The following FARP1 variants were observed in gnomAD, a reference collection of about 807,000 sequenced individuals.
FARP1 encodes the protein FERM, ARH/RhoGEF and pleckstrin domain protein 1.
A neutral mutation model predicts 128.8 loss-of-function variants in FARP1; 52 were observed. The ratio of observed to expected loss-of-function variants is 0.40; its 90% CI spans 0.32 to 0.51. FARP1 has a LOEUF of 0.51. FARP1 is among the 20% of genes least tolerant of loss of function. The pLI, the probability that FARP1 is intolerant of heterozygous loss-of-function variation, is 0.45. For synonymous variants in FARP1, 580 were observed against 551.8 expected, an observed-to-expected ratio of 1.05 and a Z score of -0.72; for missense variants, 1,333 against 1,367.9, an observed-to-expected ratio of 0.97 and a Z score of 0.40.
chr13:98,367,521 C>A (rs1889145389), intron 4 of FARP1, among the ~76,000 whole-genome samples: 2 of 149,756 alleles, frequency 1.3e-5, no homozygotes, highest in African/African-American at 4.9e-5. Context: ...AAAAGTTGTT[C>A]ATCTTATTCA....
At chr13:98,398,124 C>T (rs1461107307) in intron 13 of FARP1, 4 of 152,078 alleles carry the variant, frequency 2.6e-5, no homozygotes, top group African/African-American at 9.7e-5. Flanking sequence ...AGGATCGGCT[C>T]GTCTCATTGA....
At chr13:98,396,133 G>T in intron 13 of FARP1, 2 of 399,236 alleles carry the variant, frequency 5.0e-6, no homozygotes, top group Non-Finnish European at 8.8e-6. Flanking sequence ...GGATGGGCTT[G>T]GTGGCCGTGG....
chr13:98,404,460 C>T (rs868496910), intron 13 of FARP1: 3 of 152,176 alleles, frequency 2.0e-5, no homozygotes, highest in African/African-American at 7.2e-5. Context: ...CAGGAAGCTA[C>T]GTATTATTCA....
chr13:98,257,856 ACTATGT>A (rs1156710414), intron 2 of FARP1, among the ~76,000 whole-genome samples: 2 of 152,236 alleles, frequency 1.3e-5, no homozygotes, highest in African/African-American at 4.8e-5. Flanking sequence ...TCTATTTGCT[ACTATGT>A]TTTATGTTGA....
intron 3 of FARP1, 123 bp from the exon 4 acceptor site, chr13:98,365,272 G>A (rs1889036876): frequency 3.0e-6 from 2 of 659,078 alleles, no homozygotes; most frequent in South Asian, 4.5e-5. Flanking sequence ...GGAGAAAAAT[G>A]GAACAGGCGG....
intron 16 of FARP1, among the ~76,000 whole-genome samples, chr13:98,419,330 T>G (rs945852448): frequency 2.6e-5 from 4 of 152,004 alleles, no homozygotes; most frequent in Non-Finnish European, 4.4e-5. Flanking sequence ...AAAAATTAGT[T>G]GGGCATGGTG....
At chr13:98,395,499 A>G in intron 13 of FARP1, 23 bp downstream of exon 13, 1 of 1,558,084 alleles carries the variant, frequency 6.4e-7, no homozygotes, top group Non-Finnish European at 8.7e-7. Flanking sequence ...GGGCTGCCAG[A>G]GGCAGCAGTA....
At chr13:98,374,972 T>C (rs1889518304) in intron 5 of FARP1, among the ~76,000 whole-genome samples, 1 of 152,198 alleles carries the variant, frequency 6.6e-6, no homozygotes, top group Admixed American at 6.5e-5. Context: ...AGGGAGGTTA[T>C]TAGTCTATTC....
In FARP1 at chr13:98,446,053, G is replaced by C. The variant is rs755151631; in HGVS notation, c.2797-45G>C. The C allele has an allele frequency of 1.4e-5, 19 of 1,337,574 alleles. No homozygotes were observed. The African/African-American group carries it at 2.7e-4, about 19-fold the overall frequency. 82.9% of individuals were successfully genotyped at this position (1,337,574 alleles called of 1,614,324 possible). A position where few individuals can be genotyped will look rare whatever the true frequency, so the allele number is the denominator to read the frequency against. On this transcript the variant is annotated intron_variant, in intron 24 of 26. Transcript: ENST00000319562. The stretch of plus-strand genomic sequence containing the variant: ...GAGAGCTGCTCTCTGTGCCCTCCTG[G>C]GGCAGGTGCCCGCTGTGCTTCTCAC...
rs866704491 is a variant in FARP1, at chr13:98,379,004, C to G, written c.496+1086C>G. ...ATATATAATATATATATAATATATA[C>G]AATATATAATCTATATATAATATAT... is the stretch of plus-strand genomic sequence containing the variant. On this transcript the variant is annotated intron_variant, in intron 6 of 26. Coordinates refer to ENST00000319562, the MANE Select transcript of FARP1 (RefSeq NM_005766.4). Among the ~76,000 whole-genome samples, 2 of 58,036 alleles carry G rather than the reference C, an allele frequency of 3.4e-5. 1 individual carries two copies. The highest frequency in any genetic ancestry group is 9.0e-4 in the East Asian group (2 of 2,218). 38.1% of individuals were successfully genotyped at this position (58,036 alleles called of 152,430 possible).
At chr13:98,377,375 A>AC (rs1491585637) in intron 5 of FARP1, among the ~76,000 whole-genome samples, 50 of 22,040 alleles carry the variant, frequency 2.3e-3, no homozygotes, top group African/African-American at 8.2e-3. Context: ...GTTACACCAC[A>AC]AAAAAAAAAA....
Position 98,304,468 on chromosome 13 carries a change from C to T in FARP1, c.172-39294C>T, listed in dbSNP as rs1886052730. 2.0e-5 allele frequency among the ~76,000 whole-genome samples: 3 copies of T among 152,124 alleles called. 1 individual carries two copies. The highest frequency in any genetic ancestry group is 4.1e-4 in the South Asian group (2 of 4,824). ...CATGTACTCCTTGGGGTGTTAGGTC[C>T]AGAAAGGTGCAGATTCCGAGGTGGG... On this transcript the variant is annotated intron_variant, in intron 2 of 26. Transcript: ENST00000319562.
At chr13:98,440,864 C>T (rs891495552) in intron 24 of FARP1, 28 bp downstream of exon 24, 3 of 1,565,346 alleles carry the variant, frequency 1.9e-6, no homozygotes, top group African/African-American at 2.7e-5. Context: ...AGCTCTGGTT[C>T]CCAGCTTGTG....
chr13:98,295,102 C>T (rs1387058458), intron 2 of FARP1, among the ~76,000 whole-genome samples: 5 of 25,022 alleles, frequency 2.0e-4, no homozygotes, highest in East Asian at 2.5e-3. Context: ...CACACACACA[C>T]ACATATATCC....
At chr13:98,339,392 AG>A (rs1461232946) in intron 2 of FARP1, among the ~76,000 whole-genome samples, 1 of 152,158 alleles carries the variant, frequency 6.6e-6, no homozygotes, top group Non-Finnish European at 1.5e-5. Flanking sequence ...GAGAACAGCA[AG>A]GGGGAAATCT....
Position 98,176,546 on chromosome 13 carries a change from C to T in FARP1, c.-24+33054C>T, listed in dbSNP as rs1055732127. 1.2e-6 allele frequency: 2 copies of T among 1,614,234 alleles called. No individual in the cohort carries two copies. The highest frequency in any genetic ancestry group is 8.5e-7 in the Non-Finnish European group (1 of 1,180,036). Reference sequence around the variant, plus strand: ...TCGCAGATACAGTAGCGACCCTCTTCAAGCTCCCGTTCAATCTCCCACCCG... The same window carrying T: ...TCGCAGATACAGTAGCGACCCTCTTTAAGCTCCCGTTCAATCTCCCACCCG... On this transcript the variant is annotated intron_variant, in intron 1 of 26. Coordinates refer to ENST00000319562, the MANE Select transcript of FARP1 (RefSeq NM_005766.4). This position sits in a 1 kb window ranked among gnomAD's most constrained non-coding sequence, Gnocchi z 6.2.
intron 2 of FARP1, among the ~76,000 whole-genome samples, chr13:98,256,949 A>ATATATATATATATATATG (rs1883629733): frequency 4.6e-5 from 1 of 21,688 alleles, no homozygotes; most frequent in Non-Finnish European, 7.2e-5. Context: ...ATATATGTGG[A>ATATATATATATATATATG]TATATATATA....
At chr13:98,441,592 A>G (rs2139126993) in intron 24 of FARP1, among the ~76,000 whole-genome samples, 1 of 152,276 alleles carries the variant, frequency 6.6e-6, no homozygotes, top group African/African-American at 2.4e-5. Context: ...CCCTTTCTAC[A>G]GTGGGGGTCT....
chr13:98,156,064 G>A (rs964983256), intron 1 of FARP1, among the ~76,000 whole-genome samples: 1 of 152,030 alleles, frequency 6.6e-6, no homozygotes, highest in Admixed American at 6.6e-5. Flanking sequence ...TTCAATCCCC[G>A]TTTCCTCCCA....
Sources: allele counts gnomAD v4.1 joint callset (sites outside exome capture counted in the v4.1 genomes callset), GRCh38; gene constraint gnomAD v4.1.1; non-coding constraint Gnocchi (gnomAD v3.1); transcripts MANE v1.5; gene names NCBI Gene and HGNC (gene_info 2026-07-23, HGNC 2026-07-21).